PTPRF: variants seen among roughly 807,000 people sequenced by gnomAD.
PTPRF encodes receptor-type tyrosine-protein phosphatase F.
A neutral mutation model predicts 201.8 loss-of-function variants in PTPRF; 59 were observed. The observed-to-expected ratio is 0.29, with a 90% CI of 0.24 to 0.36. The LOEUF (loss-of-function observed/expected upper bound fraction) is 0.36. PTPRF is among the 10% of genes least tolerant of loss of function. PTPRF has a pLI of 1.00. For missense variants in PTPRF, 2,132 were observed against 2,690.5 expected, an observed-to-expected ratio of 0.79 and a Z score of 4.59; for synonymous variants, 1,088 against 1,089.7, an observed-to-expected ratio of 1.00 and a Z score of 0.03.
intron 5 of PTPRF, among the ~76,000 whole-genome samples, chr1:43,557,316 T>C (rs1289598942): frequency 1.3e-5 from 2 of 152,142 alleles, no homozygotes; most frequent in African/African-American, 4.8e-5. Context: ...CTTTCAGGCC[T>C]GGGGTGAGGA....
chr1:43,547,719 A>G (rs988218006), intron 3 of PTPRF, among the ~76,000 whole-genome samples: 2 of 152,138 alleles, frequency 1.3e-5, no homozygotes, highest in Non-Finnish European at 2.9e-5. Context: ...CTCTGAGGGG[A>G]GTGGAGGGAA....
chr1:43,577,305 T>C (rs1401158577), intron 6 of PTPRF, among the ~76,000 whole-genome samples: 2 of 152,214 alleles, frequency 1.3e-5, no homozygotes, highest in African/African-American at 4.8e-5. Flanking sequence ...CCCATCAGCA[T>C]GACCTGTTGG....
Position 43,591,412 on chromosome 1 carries a change from A to G in PTPRF, c.1390A>G (p.Lys464Glu), listed in dbSNP as rs1289821986. 2 of 1,577,704 alleles carry G rather than the reference A, an allele frequency of 1.3e-6. No individual in the cohort carries two copies. Among genetic ancestry groups the G allele is most frequent in the South Asian group, 1.2e-5 (1 of 86,676 alleles). ...DSRRPPNAWH[K>E]HNTDAGLLTT... ...CCGCCGCCCCCCGAACGCCTGGCAC[A>G]AGCACAACACCGACGCGGGGCTCCT... Residue 464 changes from lysine to glutamate, a missense_variant, in exon 9 of 34, where the codon AAG becomes GAG. Physicochemically the swap from Lys to Glu is moderately conservative, Grantham distance 56. Transcript: ENST00000359947.
intron 6 of PTPRF, among the ~76,000 whole-genome samples, chr1:43,571,990 C>A (rs948315853): frequency 6.6e-6 from 1 of 152,262 alleles, no homozygotes; most frequent in Non-Finnish European, 1.5e-5. Flanking sequence ...GTAAGGGCTT[C>A]ATGGAGCTCT....
intron 1 of PTPRF, among the ~76,000 whole-genome samples, chr1:43,534,895 C>T (rs1008973315): frequency 1.3e-5 from 2 of 152,172 alleles, no homozygotes; most frequent in African/African-American, 4.8e-5. Context: ...TCCGCTTCCT[C>T]ATTTGTCAAA....
At chr1:43,620,741 G>C (rs1213788805) in intron 31 of PTPRF, 97 bp from the exon 32 acceptor site, 8 of 1,533,060 alleles carry the variant, frequency 5.2e-6, no homozygotes, top group Non-Finnish European at 6.2e-6. Context: ...CAGTGACACA[G>C]ATGCATGCCT....
At chr1:43,523,910 A>G (rs1481454465), upstream of PTPRF, among the ~76,000 whole-genome samples, 2 of 152,072 alleles carry the variant, frequency 1.3e-5, no homozygotes, top group Admixed American at 1.3e-4. Context: ...AAAGGAAAAA[A>G]AAATTAGCCA....
chr1:43,592,616 A>C lies in PTPRF; in HGVS notation c.1813+15A>C. The C allele has an allele frequency of 3.2e-6, 5 of 1,568,232 alleles. No homozygotes were observed. Among genetic ancestry groups the C allele is most frequent in the Non-Finnish European group, 4.3e-6 (5 of 1,156,418 alleles). ...AGCCCAGTCCAGTAAGTGTCTCCCA[A>C]GTCCGCTGCCTGTTACACCTGGGCT... On this transcript the variant is annotated intron_variant, in intron 11 of 33. Transcript: ENST00000359947.
At position 43,545,028 on chromosome 1, in the gene PTPRF, C is replaced by T. The variant is rs1644574089; in HGVS notation, c.-45-3C>T. 1.3e-6 allele frequency: 2 copies of T among 1,499,886 alleles called. No individual in the cohort carries two copies. The highest frequency in any genetic ancestry group is 9.0e-7 in the Non-Finnish European group (1 of 1,105,198). 92.9% of individuals were successfully genotyped at this position (1,499,886 alleles called of 1,614,324 possible). Reference sequence around the variant, plus strand: ...ACTGGCTCTGCCCTTCTCTCCATTACAGGTTGATTGTCCTGGGCTGTGGCT... The same window carrying T: ...ACTGGCTCTGCCCTTCTCTCCATTATAGGTTGATTGTCCTGGGCTGTGGCT... On this transcript the variant is annotated splice_region_variant and splice_polypyrimidine_tract_variant and intron_variant, in intron 2 of 33. Coordinates refer to ENST00000359947, the MANE Select transcript of PTPRF (RefSeq NM_002840.5).
chr1:43,531,605 C>T (rs1643531731), intron 1 of PTPRF, among the ~76,000 whole-genome samples: 3 of 149,780 alleles, frequency 2.0e-5, no homozygotes, highest in South Asian at 4.2e-4. Context: ...GCCGGCGCGC[C>T]CGGGTCTCGC....
chr1:43,609,295 TGGG>T (rs1235610692), intron 21 of PTPRF, 85 bp from the exon 22 acceptor site: 13 of 1,047,602 alleles, frequency 1.2e-5, no homozygotes, highest in Admixed American at 7.7e-5. Context: ...GCCGTGGACA[TGGG>T]GGCTCCTTGG....
At chr1:43,569,451 C>G in intron 5 of PTPRF, 139 bp from the exon 6 acceptor site, 1 of 850,216 alleles carries the variant, frequency 1.2e-6, no homozygotes, top group African/African-American at 1.7e-5. Flanking sequence ...TCGGGGTATG[C>G]TTCATGCTTA....
intron 2 of PTPRF, among the ~76,000 whole-genome samples, chr1:43,540,934 G>A (rs1486095137): frequency 6.6e-6 from 1 of 152,278 alleles, no homozygotes; most frequent in African/African-American, 2.4e-5. Flanking sequence ...GTATAACAAG[G>A]CCTGTTTCCG....
At position 43,597,745 on chromosome 1, in the gene PTPRF, CA is replaced by C; in HGVS notation, c.1814-2del. 3 of 1,550,674 alleles carry C rather than the reference CA, an allele frequency of 1.9e-6. No homozygotes were observed. The highest frequency in any genetic ancestry group is 1.2e-5 in the South Asian group (1 of 84,808). On this transcript the variant is annotated splice_acceptor_variant, in intron 11 of 33. Coordinates refer to ENST00000359947, the MANE Select transcript of PTPRF (RefSeq NM_002840.5). LOFTEE classifies it high-confidence loss of function. ...TTGCTTCCCCCCCATTTGTCTTCCC[CA>C]GCCCCCTCCGCCCCTCCCCAGAAGG...
Position 43,537,783 on chromosome 1 carries a change from A to AT in PTPRF, c.-125-412dup, listed in dbSNP as rs551755381. The stretch of plus-strand genomic sequence containing the variant: ...TGGGAGACAGGAAGAAATTTGGCAC[A>AT]TTTGAGGATCAGAAGAGGAAGTTCC... On this transcript the variant is annotated intron_variant, in intron 1 of 33. Transcript: ENST00000359947. This position sits in a 1 kb window ranked among gnomAD's most constrained non-coding sequence, Gnocchi z 4.8. Among the ~76,000 whole-genome samples the AT allele has an allele frequency of 1.6e-4, 24 of 152,312 alleles. No homozygotes were observed. The highest frequency in any genetic ancestry group is 2.8e-4 in the Non-Finnish European group (19 of 68,026).
At chr1:43,596,452 T>G (rs1652287808) in intron 11 of PTPRF, among the ~76,000 whole-genome samples, 2 of 151,668 alleles carry the variant, frequency 1.3e-5, no homozygotes, top group South Asian at 2.1e-4. Context: ...TGCAGCAGAG[T>G]CCTCGGTGGG....
At chr1:43,562,564 G>A (rs984709847) in intron 5 of PTPRF, among the ~76,000 whole-genome samples, 12 of 151,316 alleles carry the variant, frequency 7.9e-5, no homozygotes, top group African/African-American at 2.4e-4. Context: ...GGACCACCAC[G>A]CCCGGCTAAT....
chr1:43,603,523 A>G lies in PTPRF; in HGVS notation c.2448A>G (p.Thr816=). ...GCAGCAAGCCCAAAATTGTCACTACAACAGGTGCAGGTGAGTGAGGGGTCA... is the reference window on the plus strand; with the variant it reads ...GCAGCAAGCCCAAAATTGTCACTACGACAGGTGCAGGTGAGTGAGGGGTCA... ...GARSKPKIVT[T]TGAVPGRPTM... is the part of the protein sequence containing the mutation. The change falls in exon 15 of 34, where the codon ACA becomes ACG. Residue 816 remains threonine (T), a synonymous_variant. Transcript: ENST00000359947. This position sits in a 1 kb window ranked among gnomAD's most constrained non-coding sequence, Gnocchi z 5.8. The G allele has an allele frequency of 1.2e-6, 2 of 1,614,010 alleles. No individual in the cohort carries two copies. Among genetic ancestry groups the G allele is most frequent in the Non-Finnish European group, 8.5e-7 (1 of 1,179,924 alleles).
In PTPRF at chr1:43,553,475, G is replaced by A. The variant is rs1222029437; in HGVS notation, c.92-17G>A. 6.2e-7 allele frequency: 1 copy of A among 1,612,274 alleles called. No homozygotes were observed. Among genetic ancestry groups the A allele is most frequent in the South Asian group, 1.1e-5 (1 of 90,912 alleles). ...AGTGACTGTGCTGTGGTGACTTGGT[G>A]TCTCCATCTCTTCCAGGCAAACCTG... is the stretch of plus-strand genomic sequence containing the variant. On this transcript the variant is annotated splice_polypyrimidine_tract_variant and intron_variant, in intron 3 of 33. Coordinates refer to ENST00000359947, the MANE Select transcript of PTPRF (RefSeq NM_002840.5). The surrounding 1 kb of genome is among the most constrained non-coding windows in gnomAD (Gnocchi z 4.1).
Sources: allele counts gnomAD v4.1 joint callset (sites outside exome capture counted in the v4.1 genomes callset), GRCh38; gene constraint gnomAD v4.1.1; non-coding constraint Gnocchi (gnomAD v3.1); transcripts MANE v1.5; gene names NCBI Gene and HGNC (gene_info 2026-07-23, HGNC 2026-07-21).